Variants in ACSL5 observed in about 807,000 individuals in gnomAD.
The protein encoded by ACSL5 is acyl-CoA synthetase long chain family member 5, also known as long-chain-fatty-acid--CoA ligase 5.
A neutral mutation model predicts 84.9 loss-of-function variants in ACSL5; 50 were observed. The observed-to-expected ratio is 0.59, with a 90% confidence interval of 0.47 to 0.75. ACSL5 has a LOEUF of 0.75. ACSL5 is among the 30% of genes least tolerant of loss of function. The pLI is 0.00. For missense variants in ACSL5, 775 were observed against 830.4 expected, an observed-to-expected ratio of 0.93 and a Z score of 0.82; for synonymous variants, 280 against 300.7, an observed-to-expected ratio of 0.93 and a Z score of 0.71.
chr10:112,421,562 T>A (rs773700923), intron 14 of ACSL5, 31 bp from the exon 15 acceptor site: 1 of 1,604,240 alleles, frequency 6.2e-7, no homozygotes, highest in Non-Finnish European at 8.5e-7. Context: ...TTATCTTGAG[T>A]AAGTCTAAAA....
chr10:112,425,734 C>T, intron 18 of ACSL5: 1 of 351,394 alleles, frequency 2.8e-6, no homozygotes, highest in Non-Finnish European at 5.1e-6. Context: ...GGTAATGATT[C>T]AGTAAAAAAT....
rs991312883 is a variant in ACSL5, at chr10:112,428,141, G to A, written c.*783G>A. ...GAAGCTGTGGGGGAAGGAGTTGACAGGTGGGCCCAGTGAACTTTTCCAGTA... is the reference window on the plus strand; with the variant it reads ...GAAGCTGTGGGGGAAGGAGTTGACAAGTGGGCCCAGTGAACTTTTCCAGTA... On this transcript the variant is annotated 3_prime_UTR_variant, in exon 21 of 21. Coordinates refer to ENST00000354655, the MANE Select transcript of ACSL5 (RefSeq NM_203379.2). The A allele has an allele frequency of 1.0e-5, 3 of 297,944 alleles. No individual in the cohort carries two copies. Among genetic ancestry groups the A allele is most frequent in the Admixed American group, 5.1e-5 (1 of 19,560 alleles). 18.5% of individuals were successfully genotyped at this position (297,944 alleles called of 1,614,324 possible).
chr10:112,411,470 G>T lies in ACSL5; in HGVS notation c.811G>T (p.Ala271Ser), dbSNP rs1263932458. 2 of 1,613,554 alleles carry T rather than the reference G, an allele frequency of 1.2e-6. No individual in the cohort carries two copies. Among genetic ancestry groups the T allele is most frequent in the Non-Finnish European group, 1.7e-6 (2 of 1,179,488 alleles). Residue 271 changes from alanine to serine, a missense_variant, in exon 10 of 21, where the codon GCC (alanine) becomes TCC (serine). By Grantham distance (99) the Ala-to-Ser change is moderately conservative. Coordinates refer to ENST00000354655, the MANE Select transcript of ACSL5 (RefSeq NM_203379.2). The stretch of plus-strand genomic sequence containing the variant: ...ATTTCCTACAGGTGACCCCAAAGGA[G>T]CCATGATAACCCATCAAAATATTGT... The part of the protein sequence containing the change: ...TSGTTGDPKG[A>S]MITHQNIVSN...
intron 1 of ACSL5, among the ~76,000 whole-genome samples, chr10:112,392,694 T>A (rs1384120526): frequency 6.6e-6 from 1 of 151,114 alleles, no homozygotes; most frequent in Admixed American, 6.6e-5. Flanking sequence ...TGAGTCGAGA[T>A]TGTACCACTG....
chr10:112,376,582 C>T, intron 1 of ACSL5: 1 of 1,257,686 alleles, frequency 8.0e-7, no homozygotes, highest in Non-Finnish European at 1.1e-6. Flanking sequence ...TCCACGGGCA[C>T]ATCATGCTGT....
intron 15 of ACSL5, 25 bp downstream of exon 15, chr10:112,421,690 G>C: frequency 6.3e-7 from 1 of 1,599,932 alleles, no homozygotes; most frequent in East Asian, 2.2e-5. Context: ...TGCTGGGCAG[G>C]AGGTGCCATG....
rs200775758 is a variant in ACSL5 at position 112,387,660 on chromosome 10, A to G, written c.-29-7258A>G. Among the ~76,000 whole-genome samples, 15 of 152,366 alleles carry G rather than the reference A, an allele frequency of 9.8e-5. No individual in the cohort carries two copies. The East Asian group carries it at 2.9e-3, about 29-fold the overall frequency. ...ATTATAAGTTGTAAAGACTTTTGAC[A>G]TAGTCTCTAGGAGAGAGTAGGTAAT... On this transcript the variant is annotated intron_variant, in intron 1 of 20. Coordinates refer to ENST00000354655, the MANE Select transcript of ACSL5 (RefSeq NM_203379.2).
chr10:112,381,021 C>T (rs761930866), intron 1 of ACSL5, among the ~76,000 whole-genome samples: 9 of 152,212 alleles, frequency 5.9e-5, no homozygotes, highest in Non-Finnish European at 1.3e-4. Context: ...CCTCCAGCCT[C>T]AGCCTCCCAA....
At chr10:112,380,938 A>G (rs571575450) in intron 1 of ACSL5, among the ~76,000 whole-genome samples, 2 of 151,886 alleles carry the variant, frequency 1.3e-5, no homozygotes, top group East Asian at 1.9e-4. Context: ...GCCCAACTAA[A>G]TTTTTTATTT....
At chr10:112,416,761 C>G (rs1844323805) in intron 12 of ACSL5, 127 bp from the exon 13 acceptor site, 2 of 1,028,836 alleles carry the variant, frequency 1.9e-6, no homozygotes. Flanking sequence ...TTCAGCAATC[C>G]AATTCATGAC....
chr10:112,386,655 C>A (rs1849459891), intron 1 of ACSL5, among the ~76,000 whole-genome samples: 1 of 152,062 alleles, frequency 6.6e-6, no homozygotes, highest in Non-Finnish European at 1.5e-5. Context: ...CCTAAGAAAG[C>A]CTTCATTAGG....
intron 1 of ACSL5, among the ~76,000 whole-genome samples, chr10:112,384,506 TG>T (rs750149462): frequency 1.3e-5 from 2 of 152,150 alleles, no homozygotes; most frequent in Non-Finnish European, 2.9e-5. Flanking sequence ...TGTTTTGTTT[TG>T]TTTTGTTGTT....
intron 1 of ACSL5, among the ~76,000 whole-genome samples, chr10:112,385,769 G>C (rs1356821236): frequency 6.6e-6 from 1 of 152,044 alleles, no homozygotes; most frequent in Admixed American, 6.6e-5. Context: ...TTTGTCTCTG[G>C]TATCTTTTCT....
At position 112,425,347 on chromosome 10, in the gene ACSL5, C is replaced by G; in HGVS notation, c.1603C>G (p.Leu535Val). The change falls in exon 18 of 21, where the codon CTG becomes GTG. Residue 535 changes from leucine to valine, a missense_variant. Leu to Val is a conservative substitution (Grantham distance 32, BLOSUM62 1). Transcript: ENST00000354655. ...TATCTGTCTCATGTAGAATGGAACT[C>G]TGAAGATCATCGACCGTAAAAAGAA... Reference protein sequence around the residue: ...DIGRWLPNGTLKIIDRKKNIF... With the variant: ...DIGRWLPNGTVKIIDRKKNIF... The G allele has an allele frequency of 6.2e-7, 1 of 1,612,028 alleles. No individual in the cohort carries two copies. Among genetic ancestry groups the G allele is most frequent in the Non-Finnish European group, 8.5e-7 (1 of 1,179,108 alleles).
At chr10:112,391,369 A>AG (rs1843634433) in intron 1 of ACSL5, among the ~76,000 whole-genome samples, 1 of 12,558 alleles carries the variant, frequency 8.0e-5, no homozygotes, top group Non-Finnish European at 3.4e-4. Context: ...ACTGTGCCTC[A>AG]AAAAAAAAAA....
At chr10:112,394,216 C>T (rs1005072697) in intron 1 of ACSL5, among the ~76,000 whole-genome samples, 3 of 152,200 alleles carry the variant, frequency 2.0e-5, no homozygotes, top group Admixed American at 2.0e-4. Context: ...ATGCTCACCA[C>T]GTGTCATCCA....
intron 17 of ACSL5, chr10:112,425,046 T>A (rs951158648): frequency 8.5e-6 from 2 of 235,060 alleles, no homozygotes; most frequent in South Asian, 1.7e-4. Flanking sequence ...TTGAGAGCTG[T>A]GCAATTTCTT....
Position 112,396,796 on chromosome 10 carries a change from T to C in ACSL5, c.156+1694T>C, listed in dbSNP as rs370352495. 2.2e-4 allele frequency among the ~76,000 whole-genome samples: 33 copies of C among 152,328 alleles called. 3 individuals are homozygous for C. The South Asian group carries it at 6.8e-3, about 32-fold the overall frequency. On this transcript the variant is annotated intron_variant, in intron 2 of 20. Coordinates refer to ENST00000354655, the MANE Select transcript of ACSL5 (RefSeq NM_203379.2). Reference sequence around the variant, plus strand: ...GTCTGAAACATCTTGGATTCTTCCTTCTTCCTTGACTAGGCACTTAAACAG... The same window carrying C: ...GTCTGAAACATCTTGGATTCTTCCTCCTTCCTTGACTAGGCACTTAAACAG...
intron 17 of ACSL5, 33 bp from the exon 18 acceptor site, chr10:112,425,304 CA>C: frequency 6.3e-7 from 1 of 1,574,980 alleles, no homozygotes; most frequent in African/African-American, 1.4e-5. Context: ...CTCTGTGGCT[CA>C]AAAATACTGA....
Sources: allele counts gnomAD v4.1 joint callset (sites outside exome capture counted in the v4.1 genomes callset), GRCh38; gene constraint gnomAD v4.1.1; transcripts MANE v1.5; gene names NCBI Gene and HGNC (gene_info 2026-07-23, HGNC 2026-07-21).